FKTN: variants seen among roughly 807,000 people sequenced by gnomAD.
The protein encoded by FKTN is fukutin.
In FKTN, 47 loss-of-function variants were observed where a neutral mutation model predicts 58.6. The ratio of observed to expected loss-of-function variants is 0.80; its 90% CI spans 0.63 to 1.02. The LOEUF (loss-of-function observed/expected upper bound fraction) is 1.02, where lower values mean the gene tolerates loss of function less well. Among genes scored for constraint, FKTN ranks in the 50% least tolerant of loss-of-function variants. FKTN has a pLI of 0.00. For synonymous variants in FKTN, 178 were observed against 191.9 expected (o/e 0.93, Z 0.60); for missense variants, 516 against 537.3 (o/e 0.96, Z 0.39).
At chr9:105,562,869 C>T (rs183893616) in intron 1 of FKTN, among the ~76,000 whole-genome samples, 87 of 152,286 alleles carry the variant, frequency 5.7e-4, no homozygotes, top group Non-Finnish European at 1.0e-3. Flanking sequence ...CCAAATAAGT[C>T]GGGGATCCCA....
intron 3 of FKTN, among the ~76,000 whole-genome samples, chr9:105,592,836 C>T (rs1192044073): frequency 6.6e-6 from 1 of 152,136 alleles, no homozygotes; most frequent in Non-Finnish European, 1.5e-5. Flanking sequence ...CTTCATTGTC[C>T]ATATCACTAT....
At chr9:105,596,482 A>G (rs916387802) in intron 3 of FKTN, 116 bp from the exon 4 acceptor site, 7 of 718,162 alleles carry the variant, frequency 9.7e-6, no homozygotes, top group African/African-American at 1.8e-5. Flanking sequence ...TAGATATTTG[A>G]TAATGCTTTT....
At chr9:105,595,154 T>G (rs972008592) in intron 3 of FKTN, among the ~76,000 whole-genome samples, 4 of 152,178 alleles carry the variant, frequency 2.6e-5, no homozygotes, top group African/African-American at 9.7e-5. Context: ...TAATTAGTGT[T>G]ATGATTGGGG....
chr9:105,595,371 C>T (rs1016202640), intron 3 of FKTN, among the ~76,000 whole-genome samples: 45 of 152,120 alleles, frequency 3.0e-4, no homozygotes, highest in African/African-American at 1.1e-3. Context: ...TAGAAATTTG[C>T]TTATCCCAAA....
At chr9:105,582,121 C>T (rs1007624347) in intron 3 of FKTN, among the ~76,000 whole-genome samples, 6 of 152,190 alleles carry the variant, frequency 3.9e-5, no homozygotes, top group African/African-American at 1.2e-4. Flanking sequence ...AGAAATCACC[C>T]GTCTTCTGCG....
chr9:105,616,009 A>G (rs1830740301), intron 8 of FKTN, among the ~76,000 whole-genome samples: 1 of 152,196 alleles, frequency 6.6e-6, no homozygotes, highest in Non-Finnish European at 1.5e-5. Flanking sequence ...ATTGTGATGT[A>G]GTGTTAGTCT....
At chr9:105,596,178 G>A (rs1056662506) in intron 3 of FKTN, among the ~76,000 whole-genome samples, 8 of 152,080 alleles carry the variant, frequency 5.3e-5, no homozygotes, top group South Asian at 2.1e-4. Flanking sequence ...TCAAACACAC[G>A]AGCTCTTCAA....
At chr9:105,586,507 G>A (rs1003367727) in intron 3 of FKTN, among the ~76,000 whole-genome samples, 5 of 152,238 alleles carry the variant, frequency 3.3e-5, no homozygotes, top group South Asian at 4.1e-4. Flanking sequence ...CATTTAATCC[G>A]TATTTATTGA....
chr9:105,601,300 A>C lies in FKTN; in HGVS notation c.321A>C (p.Pro107=). 6.2e-7 allele frequency: 1 copy of C among 1,612,450 alleles called. No homozygotes were observed. Among genetic ancestry groups the C allele is most frequent in the Non-Finnish European group, 8.5e-7 (1 of 1,179,648 alleles). The change falls in exon 5 of 11, where the codon CCA becomes CCC. Residue 107 remains proline (P), a synonymous_variant. Transcript: ENST00000357998. The stretch of plus-strand genomic sequence containing the variant: ...CACAATGCAAGTTTTTCTGTGTTCC[A>C]AGAGACTTTACTGCATTTGCACTGC... ...STSQCKFFCV[P]RDFTAFALQY...
At chr9:105,574,047 T>C (rs904142735) in intron 2 of FKTN, among the ~76,000 whole-genome samples, 11 of 152,152 alleles carry the variant, frequency 7.2e-5, no homozygotes, top group African/African-American at 1.7e-4. Context: ...GCAGGGAACA[T>C]TGTAGGAATA....
At chr9:105,622,713 G>A (rs904033702) in intron 10 of FKTN, among the ~76,000 whole-genome samples, 7 of 152,004 alleles carry the variant, frequency 4.6e-5, no homozygotes, top group African/African-American at 7.2e-5. Flanking sequence ...GAGTTAATAG[G>A]TTAAGTGAGT....
chr9:105,600,898 TG>T (rs1827758008), intron 4 of FKTN: 1 of 393,606 alleles, frequency 2.5e-6, no homozygotes, highest in East Asian at 5.0e-5. Flanking sequence ...TATAATATGT[TG>T]TATATGTTTT....
intron 7 of FKTN, among the ~76,000 whole-genome samples, chr9:105,614,101 G>C (rs193247434): frequency 1.3e-5 from 2 of 152,016 alleles, no homozygotes; most frequent in Non-Finnish European, 2.9e-5. Flanking sequence ...CAGTAGTCAG[G>C]AACCAGAACA....
intron 10 of FKTN, chr9:105,623,093 T>C (rs1224576108): frequency 6.6e-6 from 1 of 152,160 alleles, no homozygotes; most frequent in Non-Finnish European, 1.5e-5. Context: ...ATAATAACTA[T>C]GCCTCCAGAA....
intron 3 of FKTN, among the ~76,000 whole-genome samples, chr9:105,579,490 T>G (rs1453825971): frequency 2.0e-5 from 3 of 151,942 alleles, no homozygotes; most frequent in Non-Finnish European, 2.9e-5. Context: ...GTGAGTTTCT[T>G]AATCCTGAGT....
At chr9:105,571,910 C>A (rs1840794533) in intron 1 of FKTN, among the ~76,000 whole-genome samples, 1 of 152,108 alleles carries the variant, frequency 6.6e-6, no homozygotes, top group African/African-American at 2.4e-5. Context: ...TGGAGCATTT[C>A]AGAATTTTGG....
intron 3 of FKTN, among the ~76,000 whole-genome samples, chr9:105,595,333 G>C (rs1179549291): frequency 6.6e-6 from 1 of 151,936 alleles, no homozygotes; most frequent in Non-Finnish European, 1.5e-5. Flanking sequence ...TCTCAATAAA[G>C]CTATATAAAA....
intron 8 of FKTN, 59 bp from the exon 9 acceptor site, chr9:105,617,900 A>T: frequency 9.5e-7 from 1 of 1,054,904 alleles, no homozygotes; most frequent in Non-Finnish European, 1.4e-6. Flanking sequence ...ATAATTTGTT[A>T]TAATAACTAA....
In FKTN at chr9:105,638,590, G is replaced by T. The variant is rs935056284; in HGVS notation, c.*3326G>T. 26 of 985,194 alleles carry T rather than the reference G, an allele frequency of 2.6e-5. No homozygotes were observed. In the African/African-American group the frequency reaches 3.3e-4, roughly 13 times the overall value. The allele number at this position is 985,194 out of a possible 1,614,324, so 61.0% of individuals were successfully genotyped here. On this transcript the variant is annotated 3_prime_UTR_variant, in exon 11 of 11. Transcript: ENST00000357998. ...CCTTCCTGAAGTGACCTTTTATGAG[G>T]CTCTTTCCTTCCTAAGGGACCTTTC... is the stretch of plus-strand genomic sequence containing the variant.
Sources: gnomAD v4.1 joint callset for allele counts (sites outside exome capture counted in the v4.1 genomes callset) on GRCh38, gnomAD v4.1.1 for gene constraint, MANE v1.5 for transcripts, NCBI Gene and HGNC (gene_info 2026-07-23, HGNC 2026-07-21) for gene names.